Variants in SLC12A2 observed in about 807,000 individuals in gnomAD.
SLC12A2 encodes the protein solute carrier family 12 member 2, also known as Na-K-2Cl cotransporter 1.
SLC12A2 carries 67 observed loss-of-function variants against 136.3 expected under a neutral mutation model. The observed-to-expected ratio is 0.49, with a 90% CI of 0.40 to 0.60. The LOEUF (loss-of-function observed/expected upper bound fraction) is 0.60, where lower values mean the gene tolerates loss of function less well. SLC12A2 is among the 20% of genes least tolerant of loss of function. SLC12A2 has a pLI of 0.00. For missense variants in SLC12A2, 1,322 were observed against 1,534.7 expected (o/e 0.86, Z 2.32); for synonymous variants, 619 against 562.9 (o/e 1.10, Z -1.41).
intron 1 of SLC12A2, chr5:128,110,811 A>G (rs1761115559): frequency 2.0e-6 from 3 of 1,477,780 alleles, no homozygotes; most frequent in Non-Finnish European, 2.8e-6. Context: ...CAGGACAAGA[A>G]TTTGCAAGAA....
At position 128,168,035 on chromosome 5, in the gene SLC12A2, A is replaced by G. The variant is rs1258908553; in HGVS notation, c.2723+168A>G. 1.8e-4 allele frequency: 94 copies of G among 510,294 alleles called. No individual in the cohort carries two copies. The East Asian group carries it at 3.0e-3, about 16-fold the overall frequency. 31.6% of individuals were successfully genotyped at this position (510,294 alleles called of 1,614,324 possible). On this transcript the variant is annotated intron_variant, in intron 18 of 26. Coordinates refer to ENST00000262461, the MANE Select transcript of SLC12A2 (RefSeq NM_001046.3). Reference sequence around the variant, plus strand: ...GTTTTAAATTGATAATCTATTAACAATTTTTTATTGATCTTTATATGTCTC... The same window carrying G: ...GTTTTAAATTGATAATCTATTAACAGTTTTTTATTGATCTTTATATGTCTC...
chr5:128,152,189 CAG>C (rs1757032491), intron 14 of SLC12A2, among the ~76,000 whole-genome samples: 1 of 152,066 alleles, frequency 6.6e-6, no homozygotes, highest in Non-Finnish European at 1.5e-5. Flanking sequence ...GTGGTAGCTC[CAG>C]AAATGAAATA....
chr5:128,108,383 G>T (rs558573623), intron 1 of SLC12A2, among the ~76,000 whole-genome samples: 2 of 152,172 alleles, frequency 1.3e-5, no homozygotes, highest in South Asian at 4.2e-4. Context: ...ATTCATAATA[G>T]CCAAAAAGTA....
At chr5:128,097,460 T>A (rs1333920018) in intron 1 of SLC12A2, among the ~76,000 whole-genome samples, 1 of 152,090 alleles carries the variant, frequency 6.6e-6, no homozygotes, top group Non-Finnish European at 1.5e-5. Flanking sequence ...TTACATTTAT[T>A]GTGATTTGGT....
At chr5:128,143,021 T>TA (rs1384206132) in intron 10 of SLC12A2, among the ~76,000 whole-genome samples, 1 of 152,146 alleles carries the variant, frequency 6.6e-6, no homozygotes, top group East Asian at 1.9e-4. Flanking sequence ...TGATAGGAAT[T>TA]ACGTTAAACT....
At chr5:128,166,816 TTATC>T (rs1350495755) in intron 17 of SLC12A2, among the ~76,000 whole-genome samples, 2 of 152,106 alleles carry the variant, frequency 1.3e-5, no homozygotes, top group Admixed American at 6.6e-5. Flanking sequence ...TTTTTTTTAT[TTATC>T]TTTTGCTACA....
chr5:128,144,396 G>A (rs1435475361), intron 10 of SLC12A2, among the ~76,000 whole-genome samples: 1 of 152,068 alleles, frequency 6.6e-6, no homozygotes, highest in Non-Finnish European at 1.5e-5. Flanking sequence ...TGAGGAGTAT[G>A]TAAGTTGGAG....
chr5:128,184,795 C>T lies in SLC12A2; in HGVS notation c.3442C>T (p.Arg1148Trp). The change falls in exon 26 of 27, where the codon CGG (arginine) becomes TGG (tryptophan). Residue 1148 changes from arginine to tryptophan, a missense_variant. Arg to Trp is a moderately radical substitution (Grantham distance 101, BLOSUM62 -3). Around this residue, in one of 8 missense-constraint regions of SLC12A2, gnomAD observed 172 missense variants for 227.4 expected, o/e 0.76. Transcript: ENST00000262461. ...ELELYKTKTY[R>W]QIRLNELLKE... ...CTGTCCTGTTTCATTTCAGACATAC[C>T]GGCAGATCAGGTTAAATGAGTTATT... The T allele has an allele frequency of 2.5e-6, 4 of 1,609,800 alleles. No homozygotes were observed. Among genetic ancestry groups the T allele is most frequent in the Non-Finnish European group, 3.4e-6 (4 of 1,176,508 alleles).
chr5:128,133,416 T>C (rs989687497), intron 5 of SLC12A2, among the ~76,000 whole-genome samples: 1 of 152,134 alleles, frequency 6.6e-6, no homozygotes, highest in Non-Finnish European at 1.5e-5. Context: ...TTGACTTTTA[T>C]GAAATAATTT....
chr5:128,185,424 G>A (rs76569655), intron 26 of SLC12A2, among the ~76,000 whole-genome samples: 3,524 of 151,968 alleles, frequency 0.023, 60 homozygotes, highest in Admixed American at 0.039. Flanking sequence ...CTGAGTTCTG[G>A]AACATGTGTC....
chr5:128,088,021 G>GTGTGTT (rs972691352), intron 1 of SLC12A2, among the ~76,000 whole-genome samples: 5 of 151,308 alleles, frequency 3.3e-5, no homozygotes, highest in African/African-American at 1.2e-4. Context: ...GTGTGTGTGT[G>GTGTGTT]TGTGTGTGTG....
chr5:128,150,689 G>A (rs752420976), intron 13 of SLC12A2, among the ~76,000 whole-genome samples: 2 of 151,578 alleles, frequency 1.3e-5, no homozygotes, highest in African/African-American at 2.4e-5. Context: ...GAAAAACATG[G>A]TCTTCAACAT....
At chr5:128,186,161 T>C (rs912401526) in intron 26 of SLC12A2, among the ~76,000 whole-genome samples, 4 of 152,208 alleles carry the variant, frequency 2.6e-5, no homozygotes, top group African/African-American at 9.7e-5. Context: ...AGTAACGTAC[T>C]ATACAGGTTT....
intron 1 of SLC12A2, among the ~76,000 whole-genome samples, chr5:128,105,958 C>G (rs1056863932): frequency 1.3e-5 from 2 of 152,112 alleles, no homozygotes; most frequent in Non-Finnish European, 2.9e-5. Context: ...TCCTCAGATT[C>G]AACATGTTCA....
intron 15 of SLC12A2, among the ~76,000 whole-genome samples, chr5:128,153,223 T>C (rs1762760534): frequency 1.3e-5 from 2 of 152,226 alleles, no homozygotes; most frequent in South Asian, 4.1e-4. Flanking sequence ...TAAAGAGCAT[T>C]TATTACTATT....
chr5:128,161,556 A>C, intron 16 of SLC12A2, 104 bp from the exon 17 acceptor site: 1 of 599,228 alleles, frequency 1.7e-6, no homozygotes, highest in Non-Finnish European at 2.5e-6. Context: ...CTGACCCTAC[A>C]TTTAGTCACC....
chr5:128,130,678 T>C (rs1360240621), intron 4 of SLC12A2, among the ~76,000 whole-genome samples: 2 of 151,546 alleles, frequency 1.3e-5, no homozygotes, highest in African/African-American at 4.8e-5. Context: ...AAACTGTTTC[T>C]GAAAACAAAA....
intron 1 of SLC12A2, among the ~76,000 whole-genome samples, chr5:128,085,347 A>T (rs771786127): frequency 1.5e-4 from 22 of 149,160 alleles, no homozygotes; most frequent in East Asian, 4.0e-4. Flanking sequence ...GTGTATATTT[A>T]AAAAAAAAGG....
At chr5:128,110,667 A>G in intron 1 of SLC12A2, 2 of 1,275,486 alleles carry the variant, frequency 1.6e-6, no homozygotes, top group South Asian at 1.2e-5. Context: ...GACTCCGTCT[A>G]CTATGAACAT....
Sources: allele counts gnomAD v4.1 joint callset (sites outside exome capture counted in the v4.1 genomes callset), GRCh38; gene constraint gnomAD v4.1.1; regional missense constraint gnomAD v4.1.1; transcripts MANE v1.5; gene names NCBI Gene and HGNC (gene_info 2026-07-23, HGNC 2026-07-21).